Variants in ALPK2 observed in about 807,000 individuals in gnomAD.
ALPK2 encodes alpha-protein kinase 2.
In ALPK2, 127 loss-of-function variants were observed where a neutral mutation model predicts 163.1. That is an observed-to-expected ratio of 0.78 (90% CI 0.67 to 0.90). The LOEUF is 0.90. Ranked by LOEUF, ALPK2 falls within the 40% of genes least tolerant of loss-of-function variation. ALPK2 has a pLI of 0.00. For synonymous variants in ALPK2, 953 were observed against 959.1 expected, an observed-to-expected ratio of 0.99 and a Z score of 0.12; for missense variants, 2,360 against 2,589.6, an observed-to-expected ratio of 0.91 and a Z score of 1.92.
intron 3 of ALPK2, among the ~76,000 whole-genome samples, chr18:58,584,514 A>C (rs2051975941): frequency 6.6e-6 from 1 of 152,234 alleles, no homozygotes; most frequent in African/African-American, 2.4e-5. Flanking sequence ...TAGAAAACTA[A>C]CATTACCAGA....
chr18:58,527,667 A>G (rs568171673), intron 6 of ALPK2, among the ~76,000 whole-genome samples: 2 of 152,334 alleles, frequency 1.3e-5, no homozygotes, highest in South Asian at 4.1e-4. Context: ...AATAATTAGT[A>G]CCTTTTTAAG....
chr18:58,491,910 A>G (rs1474552518), intron 12 of ALPK2, among the ~76,000 whole-genome samples: 2 of 152,222 alleles, frequency 1.3e-5, no homozygotes, highest in Non-Finnish European at 1.5e-5. Flanking sequence ...AGAATTCACC[A>G]TTCAGAGGAG....
At position 58,535,359 on chromosome 18, in the gene ALPK2, A is replaced by C. The variant is rs1442871571; in HGVS notation, c.4828T>G (p.Cys1610Gly). ...ACATTTCCTTCAGGAGATGAAGTACAAGGGAACCTGGTAAGATCAGGAGAA... is the reference window on the plus strand; with the variant it reads ...ACATTTCCTTCAGGAGATGAAGTACCAGGGAACCTGGTAAGATCAGGAGAA... The part of the protein sequence containing the change: ...PSSPDLTRFP[C>G]TSSPEGNVTD... Residue 1610 changes from cysteine to glycine, a missense_variant, in exon 5 of 13, where the codon TGT becomes GGT. By Grantham distance (159) the Cys-to-Gly change is radical. Transcript: ENST00000361673. 6.2e-7 allele frequency: 1 copy of C among 1,614,188 alleles called. No homozygotes were observed.
chr18:58,493,560 G>A (rs1030112810), intron 12 of ALPK2, among the ~76,000 whole-genome samples: 1 of 152,130 alleles, frequency 6.6e-6, no homozygotes, highest in East Asian at 1.9e-4. Context: ...CAGCTTGGCC[G>A]AGTGTGGGAG....
intron 4 of ALPK2, among the ~76,000 whole-genome samples, chr18:58,546,662 T>C (rs1257910854): frequency 1.3e-5 from 2 of 152,156 alleles, no homozygotes; most frequent in Admixed American, 1.3e-4. Flanking sequence ...CGAAGGGATA[T>C]ACCAACTATT....
At chr18:58,612,017 T>G (rs1420198682) in intron 1 of ALPK2, among the ~76,000 whole-genome samples, 200 bp from the exon 2 acceptor site, 2 of 152,166 alleles carry the variant, frequency 1.3e-5, no homozygotes, top group Non-Finnish European at 2.9e-5. Context: ...TTCGGGGATG[T>G]CCTGTGCATT....
chr18:58,540,493 C>T (rs775535123), intron 4 of ALPK2, among the ~76,000 whole-genome samples: 1 of 152,162 alleles, frequency 6.6e-6, no homozygotes, highest in Non-Finnish European at 1.5e-5. Context: ...GCTTTCCTCT[C>T]TATACCTCAA....
At chr18:58,569,652 T>C (rs79548566) in intron 4 of ALPK2, among the ~76,000 whole-genome samples, 17,146 of 152,210 alleles carry the variant, frequency 0.11, 1,067 homozygotes, top group East Asian at 0.18. Context: ...CTGAGGATAA[T>C]AACTGTAGTA....
In ALPK2 at chr18:58,536,073, C is replaced by T; in HGVS notation, c.4114G>A (p.Val1372Met). The change falls in exon 5 of 13, where the codon GTG becomes ATG. Residue 1372 changes from valine to methionine, a missense_variant. Physicochemically the swap from Val to Met is conservative, Grantham distance 21. Transcript: ENST00000361673. Reference sequence around the variant, plus strand: ...TGTTTTTCCTCCTGGTCTTGACTCACATTGTTAACATTTTCCTTCCCTCCA... The same window carrying T: ...TGTTTTTCCTCCTGGTCTTGACTCATATTGTTAACATTTTCCTTCCCTCCA... ...ETGGKENVNNVSQDQEEKQLK... is the reference protein window; with the variant it reads ...ETGGKENVNNMSQDQEEKQLK... 1 of 1,614,188 alleles carries T rather than the reference C, an allele frequency of 6.2e-7. No homozygotes were observed. The highest frequency in any genetic ancestry group is 8.5e-7 in the Non-Finnish European group (1 of 1,180,028).
intron 5 of ALPK2, among the ~76,000 whole-genome samples, chr18:58,531,684 TG>T (rs2051615596): frequency 7.4e-6 from 1 of 134,606 alleles, no homozygotes; most frequent in Non-Finnish European, 1.6e-5. Context: ...CATGCGGGCA[TG>T]GTGGCTCATT....
chr18:58,592,671 C>T (rs548004079), intron 3 of ALPK2, among the ~76,000 whole-genome samples: 17 of 152,084 alleles, frequency 1.1e-4, no homozygotes, highest in Non-Finnish European at 1.9e-4. Flanking sequence ...GTGTGAACTG[C>T]AGGGGAAAGT....
chr18:58,509,433 G>A (rs1022286651), intron 10 of ALPK2, among the ~76,000 whole-genome samples: 8 of 152,024 alleles, frequency 5.3e-5, no homozygotes, highest in Non-Finnish European at 1.2e-4. Context: ...GGTATTTCTA[G>A]TTCTAGATCC....
intron 8 of ALPK2, among the ~76,000 whole-genome samples, chr18:58,523,098 G>A: frequency 8.7e-6 from 1 of 115,494 alleles, no homozygotes; most frequent in East Asian, 2.7e-4. Context: ...AGAGTGTGAT[G>A]TTCCCCTTCC....
intron 4 of ALPK2, among the ~76,000 whole-genome samples, chr18:58,546,564 T>C (rs1350178986): frequency 1.3e-5 from 2 of 152,240 alleles, no homozygotes; most frequent in Non-Finnish European, 2.9e-5. Flanking sequence ...GGCACTGTTC[T>C]AACTGCTTTA....
intron 1 of ALPK2, among the ~76,000 whole-genome samples, chr18:58,613,713 ATAAT>A (rs1568101781): frequency 1.4e-3 from 97 of 67,156 alleles, no homozygotes; most frequent in Middle Eastern, 0.018. Context: ...AAAAAAAATA[ATAAT>A]AATAATAATA....
rs758551386 is a variant in ALPK2, at chr18:58,504,117, C to G, written c.6061G>C (p.Glu2021Gln). Reference protein sequence around the residue: ...IIPIFLIHRPENNIPYATVEE... With the variant: ...IIPIFLIHRPQNNIPYATVEE... The stretch of plus-strand genomic sequence containing the variant: ...ACTGTAGCATACGGGATATTGTTCT[C>G]AGGCCGATGGATAAGAAAAATAGGA... Residue 2021 changes from glutamate to glutamine, a missense_variant, in exon 11 of 13, where the codon GAG (glutamate) becomes CAG (glutamine). By Grantham distance (29) the Glu-to-Gln change is conservative. Coordinates refer to ENST00000361673, the MANE Select transcript of ALPK2 (RefSeq NM_052947.4). The G allele has an allele frequency of 1.2e-5, 20 of 1,614,206 alleles. No individual in the cohort carries two copies. The highest frequency in any genetic ancestry group is 1.7e-5 in the Non-Finnish European group (20 of 1,180,032).
At chr18:58,528,831 A>T (rs186676664) in intron 6 of ALPK2, 1 of 444,654 alleles carries the variant, frequency 2.2e-6, no homozygotes, top group East Asian at 4.7e-5. Context: ...CCCTGATTTA[A>T]AAAATGTAGT....
intron 4 of ALPK2, among the ~76,000 whole-genome samples, chr18:58,569,487 A>G (rs1270838560): frequency 6.6e-6 from 1 of 152,154 alleles, no homozygotes; most frequent in African/African-American, 2.4e-5. Context: ...GTGTGTATGA[A>G]TCTCCTACGA....
intron 8 of ALPK2, among the ~76,000 whole-genome samples, chr18:58,521,943 C>T (rs1568073399): frequency 2.0e-5 from 3 of 152,086 alleles, no homozygotes; most frequent in Non-Finnish European, 2.9e-5. Flanking sequence ...TAGACCATTT[C>T]TAAGTCGAGA....
Sources: allele counts gnomAD v4.1 joint callset (sites outside exome capture counted in the v4.1 genomes callset), GRCh38; gene constraint gnomAD v4.1.1; transcripts MANE v1.5; gene names NCBI Gene and HGNC (gene_info 2026-07-23, HGNC 2026-07-21).